The following TRAF3IP1 variants were observed in gnomAD, a reference collection of about 807,000 sequenced individuals.
TRAF3IP1 encodes the protein intraflagellar transport 54, also known as TRAF3-interacting protein 1.
In TRAF3IP1, 53 loss-of-function variants were observed where a neutral mutation model predicts 89.9. That is an observed-to-expected ratio of 0.59 (90% CI 0.47 to 0.74). TRAF3IP1 has a LOEUF of 0.74. Ranked by LOEUF, TRAF3IP1 falls within the 30% of genes least tolerant of loss-of-function variation. The probability of loss-of-function intolerance (pLI) is 0.00; values close to 1 mark genes in which losing one functional copy is unlikely to be tolerated. For missense variants in TRAF3IP1, 806 were observed against 866.1 expected, an observed-to-expected ratio of 0.93 and a Z score of 0.87; for synonymous variants, 311 against 322.1, an observed-to-expected ratio of 0.97 and a Z score of 0.37.
chr2:238,355,220 T>TCTCTACCCTCTACTCTCCCTGTCTC (rs1359833081), intron 14 of TRAF3IP1, among the ~76,000 whole-genome samples: 11 of 152,088 alleles, frequency 7.2e-5, no homozygotes, highest in Admixed American at 1.3e-4. Flanking sequence ...TGACCCGTCT[T>TCTCTACCCTCTACTCTCCCTGTCTC]CTCTACCCTC....
intron 8 of TRAF3IP1, among the ~76,000 whole-genome samples, chr2:238,344,006 T>C (rs1698778965): frequency 1.3e-5 from 2 of 152,252 alleles, no homozygotes; most frequent in South Asian, 4.1e-4. Flanking sequence ...TTTGATATTT[T>C]TTCTATCTTC....
intron 15 of TRAF3IP1, among the ~76,000 whole-genome samples, chr2:238,358,732 A>G (rs1051573896): frequency 6.6e-5 from 10 of 152,022 alleles, no homozygotes; most frequent in African/African-American, 2.4e-4. Flanking sequence ...TCTCTCTCTC[A>G]TGTTTTGATA....
At position 238,351,870 on chromosome 2, in the gene TRAF3IP1, C is replaced by CGTGT. The variant is rs1559371467; in HGVS notation, c.1452-956_1452-955insTGTG. On this transcript the variant is annotated intron_variant, in intron 12 of 16. Transcript: ENST00000373327. This position sits in a 1 kb window ranked among gnomAD's most constrained non-coding sequence, Gnocchi z 5.2. ...GTGTGTGTGTGTGTGTGTGTGTGCG[C>CGTGT]GCGCGCGCGTGTGCGTGCATGTGCT... 9.7e-5 allele frequency among the ~76,000 whole-genome samples: 14 copies of CGTGT among 143,790 alleles called. No individual in the cohort carries two copies. The highest frequency in any genetic ancestry group is 3.9e-4 in the African/African-American group (14 of 35,488). The allele number at this position is 143,790 out of a possible 152,430, so 94.3% of individuals were successfully genotyped here.
intron 7 of TRAF3IP1, among the ~76,000 whole-genome samples, chr2:238,334,480 C>A (rs1698289542): frequency 6.6e-6 from 1 of 151,926 alleles, no homozygotes; most frequent in African/African-American, 2.4e-5. Context: ...GCCGAATGTA[C>A]AGGCCTGGCC....
chr2:238,393,408 T>C (rs1701075785), intron 15 of TRAF3IP1, among the ~76,000 whole-genome samples: 2 of 152,216 alleles, frequency 1.3e-5, no homozygotes, highest in Admixed American at 1.3e-4. Flanking sequence ...GTTTTAAGAG[T>C]TCTTTGCATA....
intron 5 of TRAF3IP1, among the ~76,000 whole-genome samples, chr2:238,331,740 T>C (rs538801135): frequency 2.0e-5 from 3 of 152,264 alleles, no homozygotes; most frequent in Non-Finnish European, 2.9e-5. Context: ...TCCTTTCCTC[T>C]GGTAAAAAGC....
chr2:238,381,788 G>A (rs1035625940), intron 15 of TRAF3IP1, among the ~76,000 whole-genome samples: 1 of 152,206 alleles, frequency 6.6e-6, no homozygotes, highest in Admixed American at 6.5e-5. Flanking sequence ...AAAGCTCATC[G>A]TGGGCATGGG....
chr2:238,341,625 A>T (rs1698664045), intron 8 of TRAF3IP1, among the ~76,000 whole-genome samples: 1 of 150,900 alleles, frequency 6.6e-6, no homozygotes, highest in Admixed American at 6.6e-5. Context: ...CGAATGATGG[A>T]CCTCTTTCAA....
intron 5 of TRAF3IP1, among the ~76,000 whole-genome samples, chr2:238,331,006 G>A (rs1490083128): frequency 6.6e-6 from 1 of 152,126 alleles, no homozygotes; most frequent in African/African-American, 2.4e-5. Flanking sequence ...TGAGGCACTA[G>A]TATATTCGGG....
chr2:238,348,411 A>G (rs368426566), intron 10 of TRAF3IP1, among the ~76,000 whole-genome samples: 1 of 152,220 alleles, frequency 6.6e-6, no homozygotes, highest in Non-Finnish European at 1.5e-5. Flanking sequence ...CAGTATTACC[A>G]GTGACGATGG....
chr2:238,371,279 GTTT>G (rs912611384), intron 15 of TRAF3IP1, among the ~76,000 whole-genome samples: 1 of 151,962 alleles, frequency 6.6e-6, no homozygotes, highest in African/African-American at 2.4e-5. Context: ...GTTTTTTTCG[GTTT>G]GTTTTTGTTT....
chr2:238,371,540 A>T (rs989380222), intron 15 of TRAF3IP1, among the ~76,000 whole-genome samples: 4 of 152,208 alleles, frequency 2.6e-5, no homozygotes, highest in Non-Finnish European at 4.4e-5. Flanking sequence ...ATAATGCAAG[A>T]GCTCAAAAAA....
chr2:238,337,184 CAG>C (rs1020192077), intron 7 of TRAF3IP1, among the ~76,000 whole-genome samples: 3 of 152,098 alleles, frequency 2.0e-5, no homozygotes, highest in African/African-American at 4.8e-5. Context: ...AAAGAGAACA[CAG>C]GGGTACATAT....
At chr2:238,358,131 G>A (rs1483820481) in intron 15 of TRAF3IP1, among the ~76,000 whole-genome samples, 1 of 147,398 alleles carries the variant, frequency 6.8e-6, no homozygotes, top group Non-Finnish European at 1.5e-5. Flanking sequence ...TTTTTTTTGA[G>A]TCAGAATCTC....
At chr2:238,375,352 A>G (rs997946379) in intron 15 of TRAF3IP1, among the ~76,000 whole-genome samples, 1 of 152,214 alleles carries the variant, frequency 6.6e-6, no homozygotes, top group African/African-American at 2.4e-5. Context: ...TTGGTTTCAA[A>G]GAACATCTTT....
At chr2:238,330,134 G>A (rs529064327) in intron 5 of TRAF3IP1, among the ~76,000 whole-genome samples, 1 of 152,324 alleles carries the variant, frequency 6.6e-6, no homozygotes, top group African/African-American at 2.4e-5. Context: ...AGCATTGCAA[G>A]CGGTGTTTAT....
At chr2:238,365,397 A>C (rs28591384) in intron 15 of TRAF3IP1, among the ~76,000 whole-genome samples, 18,797 of 152,114 alleles carry the variant, frequency 0.12, 2,055 homozygotes, top group African/African-American at 0.29. Flanking sequence ...CGCGGTGGCC[A>C]ACGTTTGTAA....
rs552320905 is a variant in TRAF3IP1 at position 238,371,567 on chromosome 2, C to T, written c.1689+15487C>T. ...CTCAAAAAAAGATTGTTCTTATATT[C>T]TTCCAAACCTAAGCCTAAGGAAAGC... On this transcript the variant is annotated intron_variant, in intron 15 of 16. Coordinates refer to ENST00000373327, the MANE Select transcript of TRAF3IP1 (RefSeq NM_015650.4). Among the ~76,000 whole-genome samples, 14 of 152,328 alleles carry T rather than the reference C, an allele frequency of 9.2e-5. No individual in the cohort carries two copies. In the East Asian group the frequency reaches 2.5e-3, roughly 27 times the overall value.
At chr2:238,340,538 A>G (rs909812429) in intron 8 of TRAF3IP1, among the ~76,000 whole-genome samples, 2 of 152,192 alleles carry the variant, frequency 1.3e-5, no homozygotes, top group Admixed American at 6.5e-5. Context: ...TTTTCAAAAC[A>G]TGAACAATTT....
Sources: gnomAD v4.1 joint callset for allele counts (sites outside exome capture counted in the v4.1 genomes callset) on GRCh38, gnomAD v4.1.1 for gene constraint, Gnocchi (gnomAD v3.1) non-coding constraint, MANE v1.5 for transcripts, NCBI Gene and HGNC (gene_info 2026-07-23, HGNC 2026-07-21) for gene names.